The following PDE4B variants were observed in gnomAD, a reference collection of about 807,000 sequenced individuals.
The protein encoded by PDE4B is phosphodiesterase 4B.
A neutral mutation model predicts 82.2 loss-of-function variants in PDE4B; 20 were observed. The ratio of observed to expected loss-of-function variants is 0.24; its 90% confidence interval spans 0.17 to 0.35. PDE4B has a LOEUF of 0.35. Among genes scored for constraint, PDE4B ranks in the 10% least tolerant of loss-of-function variants. PDE4B has a pLI of 1.00. For synonymous variants in PDE4B, 320 were observed against 318.9 expected, an observed-to-expected ratio of 1.00 and a Z score of -0.04; for missense variants, 655 against 907.2, an observed-to-expected ratio of 0.72 and a Z score of 3.57.
intron 3 of PDE4B, among the ~76,000 whole-genome samples, chr1:66,101,843 C>T (rs1645231776): frequency 6.6e-6 from 1 of 152,068 alleles, no homozygotes; most frequent in South Asian, 2.1e-4. Flanking sequence ...TTAATTAGAT[C>T]CCATTTGTCA....
At position 66,372,884 on chromosome 1, in the gene PDE4B, T is replaced by C. The variant is rs1356386293; in HGVS notation, c.*206T>C. On this transcript the variant is annotated 3_prime_UTR_variant, in exon 17 of 17. Transcript: ENST00000341517. ...CGGTTGACTTGCCTTGATGGCAAGCTTGGTGGAGAGGGCTGAAGCTGTTGC... is the reference window on the plus strand; with the variant it reads ...CGGTTGACTTGCCTTGATGGCAAGCCTGGTGGAGAGGGCTGAAGCTGTTGC... The C allele has an allele frequency of 7.2e-6, 4 of 556,912 alleles. No homozygotes were observed. The highest frequency in any genetic ancestry group is 1.3e-5 in the Non-Finnish European group (4 of 314,216). 34.5% of individuals were successfully genotyped at this position (556,912 alleles called of 1,614,324 possible).
chr1:65,846,664 T>A (rs1252246995), intron 1 of PDE4B, among the ~76,000 whole-genome samples: 1 of 152,226 alleles, frequency 6.6e-6, no homozygotes, highest in Non-Finnish European at 1.5e-5. Flanking sequence ...TACATTGTAT[T>A]TCCAAAGCTT....
chr1:66,367,870 A>G lies in PDE4B; in HGVS notation c.1539+20A>G, dbSNP rs920439725. 5 of 1,612,806 alleles carry G rather than the reference A, an allele frequency of 3.1e-6. No homozygotes were observed. The African/African-American group carries it at 4.0e-5, about 13-fold the overall frequency. On this transcript the variant is annotated intron_variant, in intron 14 of 16. Coordinates refer to ENST00000341517, the MANE Select transcript of PDE4B (RefSeq NM_002600.4). ...GACATGGTAAGACTTTAGCCTCTCT[A>G]CATTCCTCACTTACTGCCATTCTCT...
rs58193032 is a variant in PDE4B, at chr1:65,818,685, C to CATATATATATATATAT, written c.-71+25441_-71+25456dup. Among the ~76,000 whole-genome samples, 485 of 143,714 alleles carry CATATATATATATATAT rather than the reference C, an allele frequency of 3.4e-3. 2 individuals are homozygous for CATATATATATATATAT. The highest frequency in any genetic ancestry group is 0.025 in the East Asian group (122 of 4,800). 94.3% of individuals were successfully genotyped at this position (143,714 alleles called of 152,430 possible). ...ATACATATATATTCACACACACACACATATATATATATATATATAAAATAA... is the reference window on the plus strand; with the variant it reads ...ATACATATATATTCACACACACACACATATATATATATATATATATATATATATATATATAAAATAA... On this transcript the variant is annotated intron_variant, in intron 1 of 16. Coordinates refer to ENST00000341517, the MANE Select transcript of PDE4B (RefSeq NM_002600.4).
At chr1:66,015,148 A>G (rs903468684) in intron 3 of PDE4B, among the ~76,000 whole-genome samples, 3 of 152,146 alleles carry the variant, frequency 2.0e-5, no homozygotes, top group African/African-American at 7.2e-5. Flanking sequence ...TTCTTTCACC[A>G]TAATTTTGTC....
At chr1:66,331,376 C>T (rs1660095867) in intron 7 of PDE4B, among the ~76,000 whole-genome samples, 3 of 152,154 alleles carry the variant, frequency 2.0e-5, no homozygotes. Context: ...GTGCTTTTTA[C>T]AACTCTCTGT....
At chr1:66,236,629 C>T (rs933714348) in intron 3 of PDE4B, among the ~76,000 whole-genome samples, 1 of 152,014 alleles carries the variant, frequency 6.6e-6, no homozygotes, top group Non-Finnish European at 1.5e-5. Flanking sequence ...TGATACAAAA[C>T]TTTACAGCTT....
At chr1:66,167,788 C>T (rs1404166459) in intron 3 of PDE4B, among the ~76,000 whole-genome samples, 1 of 152,116 alleles carries the variant, frequency 6.6e-6, no homozygotes, top group Admixed American at 6.5e-5. Context: ...GGTGAATTAG[C>T]CACATGTCAT....
chr1:65,970,217 C>CT (rs34884275), intron 3 of PDE4B, among the ~76,000 whole-genome samples: 61 of 143,488 alleles, frequency 4.3e-4, no homozygotes, highest in East Asian at 4.1e-4. Context: ...CAAATATTTT[C>CT]TTTTTTTTTT....
At chr1:66,331,916 C>T (rs1031950405) in intron 7 of PDE4B, 76 of 990,646 alleles carry the variant, frequency 7.7e-5, no homozygotes, top group African/African-American at 2.3e-4. Context: ...CTTACTTGTG[C>T]GGGTCAGTGT....
rs2050845169 is a variant in PDE4B, at chr1:66,373,173, A to G, written c.*495A>G. ...ACACAGATAAGCTTTCAAAGTTGAC[A>G]AACTTTTTTGACTCTTTCTGGAAAA... is the stretch of plus-strand genomic sequence containing the variant. On this transcript the variant is annotated 3_prime_UTR_variant, in exon 17 of 17. Coordinates refer to ENST00000341517, the MANE Select transcript of PDE4B (RefSeq NM_002600.4). The G allele has an allele frequency of 1.3e-5, 2 of 153,964 alleles. No homozygotes were observed. The highest frequency in any genetic ancestry group is 2.0e-4 in the South Asian group (1 of 4,936). The allele number at this position is 153,964 out of a possible 1,614,324, so 9.5% of individuals were successfully genotyped here.
chr1:66,066,449 G>C (rs1181428150), intron 3 of PDE4B, among the ~76,000 whole-genome samples: 1 of 151,828 alleles, frequency 6.6e-6, no homozygotes, highest in Non-Finnish European at 1.5e-5. Context: ...GAAATGATTG[G>C]TAGTATTTCT....
intron 3 of PDE4B, among the ~76,000 whole-genome samples, chr1:66,152,949 C>T (rs1646433131): frequency 6.6e-6 from 1 of 152,106 alleles, no homozygotes; most frequent in Admixed American, 6.5e-5. Context: ...ATCTCCTTAA[C>T]ATAAAGTCAG....
At chr1:66,360,804 C>T (rs1312738473) in intron 9 of PDE4B, 1 of 151,532 alleles carries the variant, frequency 6.6e-6, no homozygotes, top group Non-Finnish European at 1.5e-5. Flanking sequence ...CTTTTTTTTT[C>T]ACTAATCCTA....
At chr1:66,075,253 G>T (rs1656359276) in intron 3 of PDE4B, among the ~76,000 whole-genome samples, 1 of 151,964 alleles carries the variant, frequency 6.6e-6, no homozygotes, top group South Asian at 2.1e-4. Context: ...CCCATGCTAA[G>T]CCCCAATTTT....
intron 7 of PDE4B, chr1:66,266,616 G>GTGTTT (rs142998183): frequency 0.03 from 13,568 of 453,918 alleles, 657 homozygotes; most frequent in East Asian, 0.22. Flanking sequence ...TTCCTCAACG[G>GTGTTT]TGTTTTGTTT....
intron 7 of PDE4B, among the ~76,000 whole-genome samples, chr1:66,270,414 A>C (rs1402617815): frequency 6.6e-6 from 1 of 152,196 alleles, no homozygotes; most frequent in Non-Finnish European, 1.5e-5. Context: ...TACCAGATGC[A>C]GGGTCTCTTC....
In PDE4B at chr1:66,046,814, A is replaced by G. The variant is rs557901532; in HGVS notation, c.281+127979A>G. Among the ~76,000 whole-genome samples the G allele has an allele frequency of 2.0e-5, 3 of 151,834 alleles. No homozygotes were observed. In the East Asian group the frequency reaches 5.8e-4, roughly 29 times the overall value. On this transcript the variant is annotated intron_variant, in intron 3 of 16. Coordinates refer to ENST00000341517, the MANE Select transcript of PDE4B (RefSeq NM_002600.4). ...GGAATATTATCCCCCTCTGCTATTCACTCTTTTAGTGCCTTCCTGAATAGA... is the reference window on the plus strand; with the variant it reads ...GGAATATTATCCCCCTCTGCTATTCGCTCTTTTAGTGCCTTCCTGAATAGA...
At chr1:66,257,255 A>T (rs1654307073) in intron 4 of PDE4B, 1 of 270,996 alleles carries the variant, frequency 3.7e-6, no homozygotes, top group Admixed American at 4.8e-5. Context: ...CCAGACTGTT[A>T]TACCAGTTTT....
Sources: gnomAD v4.1 joint callset for allele counts (sites outside exome capture counted in the v4.1 genomes callset) on GRCh38, gnomAD v4.1.1 for gene constraint, MANE v1.5 for transcripts, NCBI Gene and HGNC (gene_info 2026-07-23, HGNC 2026-07-21) for gene names.